The following RBP3 variants were observed in gnomAD, a reference collection of about 807,000 sequenced individuals.
The protein encoded by RBP3 is retinol-binding protein 3.
RBP3 carries 50 observed loss-of-function variants against 64.8 expected under a neutral mutation model. The ratio of observed to expected loss-of-function variants is 0.77; its 90% CI spans 0.61 to 0.98. The LOEUF (loss-of-function observed/expected upper bound fraction) is 0.98, where lower values mean the gene tolerates loss of function less well. Ranked by LOEUF, RBP3 falls within the 50% of genes least tolerant of loss-of-function variation. The probability of loss-of-function intolerance (pLI) is 0.00; values close to 1 mark genes in which losing one functional copy is unlikely to be tolerated. For missense variants in RBP3, 1,712 were observed against 1,660.5 expected (o/e 1.03, Z -0.54); for synonymous variants, 828 against 730.2 (o/e 1.13, Z -2.16).
rs782632768 is a variant in RBP3, at chr10:47,357,464, G to A, written c.*7G>A. ...CCTGCAGGACCACCTGTAGGGAAGG[G>A]CCCCATAGGCAGAGCCCCAGGGCAG... On this transcript the variant is annotated 3_prime_UTR_variant, in exon 4 of 4. Coordinates refer to ENST00000584701, the MANE Select transcript of RBP3 (RefSeq NM_002900.3). The A allele has an allele frequency of 6.2e-7, 1 of 1,600,990 alleles. No homozygotes were observed. The highest frequency in any genetic ancestry group is 1.1e-5 in the South Asian group (1 of 89,132).
Position 47,353,335 on chromosome 10 carries a change from C to T in RBP3, c.3065C>T (p.Pro1022Leu), listed in dbSNP as rs1221007490. The change falls in exon 2 of 4, where the codon CCT becomes CTT. Residue 1022 changes from proline (P) to leucine (L), a missense_variant. Physicochemically the swap from Pro to Leu is moderately conservative, Grantham distance 98. Transcript: ENST00000584701. ...CTCCAACTCTTACAGATCCCTTCCCCTGAAGTATTTGAAGAGCTGATCAAG... is the reference window on the plus strand; with the variant it reads ...CTCCAACTCTTACAGATCCCTTCCCTTGAAGTATTTGAAGAGCTGATCAAG... ...PGIVPMQIPS[P>L]EVFEELIKFS... The T allele has an allele frequency of 2.5e-6, 4 of 1,614,008 alleles. No individual in the cohort carries two copies. The highest frequency in any genetic ancestry group is 3.4e-6 in the Non-Finnish European group (4 of 1,180,006).
Position 47,351,479 on chromosome 10 carries a change from A to G in RBP3, c.2995A>G (p.Lys999Glu). The change falls in exon 1 of 4, where the codon AAG (lysine) becomes GAG (glutamate). Residue 999 changes from lysine (K) to glutamate (E), a missense_variant. By Grantham distance (56) the Lys-to-Glu change is moderately conservative. Coordinates refer to ENST00000584701, the MANE Select transcript of RBP3 (RefSeq NM_002900.3). ...GATGCTCTCCGGAGACCCACACCTG[A>G]AGGCAGCCCATATCCCTGAGAATGC... Reference protein sequence around the residue: ...LQMLSGDPHLKAAHIPENAKD... With the variant: ...LQMLSGDPHLEAAHIPENAKD... The G allele has an allele frequency of 6.2e-7, 1 of 1,613,840 alleles. No individual in the cohort carries two copies. The highest frequency in any genetic ancestry group is 8.5e-7 in the Non-Finnish European group (1 of 1,180,032).
In RBP3 at chr10:47,350,253, C is replaced by T. The variant is rs781938600; in HGVS notation, c.1769C>T (p.Ala590Val). 1.9e-5 allele frequency: 30 copies of T among 1,607,318 alleles called. No individual in the cohort carries two copies. Among genetic ancestry groups the T allele is most frequent in the Non-Finnish European group, 2.1e-5 (25 of 1,179,920 alleles). Residue 590 changes from alanine (A) to valine (V), a missense_variant, in exon 1 of 4, where the codon GCG becomes GTG. Transcript: ENST00000584701. The stretch of plus-strand genomic sequence containing the variant: ...CTGGACACACCCGAAGGCAGCCTCG[C>T]GCTCACCGTGCCGGTCCTCACCTTC... The part of the protein sequence containing the change: ...PLLDTPEGSL[A>V]LTVPVLTFID...
At position 47,348,517 on chromosome 10, in the gene RBP3, G is replaced by C. The variant is rs781957702; in HGVS notation, c.33G>C (p.Val11=). 2 of 1,608,562 alleles carry C rather than the reference G, an allele frequency of 1.2e-6. No individual in the cohort carries two copies. Among genetic ancestry groups the C allele is most frequent in the South Asian group, 1.1e-5 (1 of 91,086 alleles). MMREWVLLMS[V]LLCGLAGPTH... is the part of the protein sequence containing the mutation. Reference sequence around the variant, plus strand: ...GAGAATGGGTTCTGCTCATGTCCGTGCTGCTCTGTGGCCTGGCTGGCCCCA... The same window carrying C: ...GAGAATGGGTTCTGCTCATGTCCGTCCTGCTCTGTGGCCTGGCTGGCCCCA... Residue 11 remains valine, a synonymous_variant, in exon 1 of 4, where the codon GTG becomes GTC. Transcript: ENST00000584701.
rs782242538 is a variant in RBP3 at position 47,349,869 on chromosome 10, G to A, written c.1385G>A (p.Arg462His). 1.2e-5 allele frequency: 19 copies of A among 1,613,032 alleles called. No individual in the cohort carries two copies. In the Admixed American group the frequency reaches 2.5e-4, roughly 21 times the overall value. Residue 462 changes from arginine (R) to histidine (H), a missense_variant, in exon 1 of 4, where the codon CGC becomes CAC. By Grantham distance (29) the Arg-to-His change is conservative. Coordinates refer to ENST00000584701, the MANE Select transcript of RBP3 (RefSeq NM_002900.3). The part of the protein sequence containing the change: ...VLGVLAPYVL[R>H]QVWEPLQDTE... ...GGTGTGTTGGCCCCATATGTCCTGC[G>A]CCAGGTGTGGGAGCCGCTACAGGAC...
rs782171257 is a variant in RBP3 at position 47,350,609 on chromosome 10, G to T, written c.2125G>T (p.Val709Leu). 2.7e-5 allele frequency: 44 copies of T among 1,612,870 alleles called. No homozygotes were observed. Among genetic ancestry groups the T allele is most frequent in the Non-Finnish European group, 3.6e-5 (43 of 1,180,046 alleles). Residue 709 changes from valine (V) to leucine (L), a missense_variant, in exon 1 of 4, where the codon GTG becomes TTG. Val to Leu is a conservative substitution (Grantham distance 32, BLOSUM62 1). Transcript: ENST00000584701. ...AGTGTTCCACAGCCCTGGCGAGCTG[G>T]TGGTAGAGGAAGCACCCCCACCACC... ...LLVFHSPGEL[V>L]VEEAPPPPPA...
rs782387708 is a variant in RBP3, at chr10:47,349,637, C to A, written c.1153C>A (p.Leu385Ile). 1.2e-6 allele frequency: 2 copies of A among 1,612,516 alleles called. No homozygotes were observed. The highest frequency in any genetic ancestry group is 1.7e-6 in the Non-Finnish European group (2 of 1,180,018). ...GLQAASEDPR[L>I]LVRAIGPTET... ...GCAGGCTGCGTCTGAGGATCCCAGG[C>A]TCCTGGTGCGAGCCATCGGGCCCAC... Residue 385 changes from leucine to isoleucine, a missense_variant, in exon 1 of 4, where the codon CTC (leucine) becomes ATC (isoleucine). By Grantham distance (5) the Leu-to-Ile change is conservative (BLOSUM62 2). Transcript: ENST00000584701.
chr10:47,351,308 C>T lies in RBP3; in HGVS notation c.2824C>T (p.Gln942Ter), dbSNP rs781985780. 1 of 1,613,506 alleles carries T rather than the reference C, an allele frequency of 6.2e-7. No homozygotes were observed. The highest frequency in any genetic ancestry group is 1.3e-5 in the African/African-American group (1 of 75,072). Residue 942 changes from glutamine to a stop codon, truncating the protein, a stop_gained, in exon 1 of 4, where the codon CAG (glutamine) becomes TAG (stop). Coordinates refer to ENST00000584701, the MANE Select transcript of RBP3 (RefSeq NM_002900.3). LOFTEE classifies it high-confidence loss of function. ...GCGTGCCAAGGTGCCCACGGTGCTG[C>T]AGACGGCCGGGAAGCTGGTGGCTGA... ...ALRAKVPTVL[Q>*]TAGKLVADNY...
rs782818273 is a variant in RBP3, at chr10:47,351,183, G to T, written c.2699G>T (p.Ser900Ile). 4.3e-6 allele frequency: 7 copies of T among 1,613,118 alleles called. No homozygotes were observed. The highest frequency in any genetic ancestry group is 5.9e-6 in the Non-Finnish European group (7 of 1,180,044). Reference protein sequence around the residue: ...YASMPTQMAMSATTGKAWDLA... With the variant: ...YASMPTQMAMIATTGKAWDLA... Reference sequence around the variant, plus strand: ...TCCATGCCCACCCAGATGGCCATGAGTGCCACCACAGGCAAGGCCTGGGAC... The same window carrying T: ...TCCATGCCCACCCAGATGGCCATGATTGCCACCACAGGCAAGGCCTGGGAC... Residue 900 changes from serine (S) to isoleucine (I), a missense_variant, in exon 1 of 4, where the codon AGT (serine) becomes ATT (isoleucine). By Grantham distance (142) the Ser-to-Ile change is moderately radical (BLOSUM62 -2). Transcript: ENST00000584701.
chr10:47,349,847 G>A lies in RBP3; in HGVS notation c.1363G>A (p.Val455Met). The A allele has an allele frequency of 6.2e-7, 1 of 1,613,250 alleles. No homozygotes were observed. Among genetic ancestry groups the A allele is most frequent in the Non-Finnish European group, 8.5e-7 (1 of 1,180,028 alleles). The stretch of plus-strand genomic sequence containing the variant: ...TTTTGCTGACGCCTCCGTCCTGGGT[G>A]TGTTGGCCCCATATGTCCTGCGCCA... ...DSFADASVLG[V>M]LAPYVLRQVW... is the part of the protein sequence containing the mutation. The change falls in exon 1 of 4, where the codon GTG becomes ATG. Residue 455 changes from valine to methionine, a missense_variant. Val to Met is a conservative substitution (Grantham distance 21). Coordinates refer to ENST00000584701, the MANE Select transcript of RBP3 (RefSeq NM_002900.3).
intron 2 of RBP3, among the ~76,000 whole-genome samples, 164 bp downstream of exon 2, chr10:47,353,679 CA>C (rs1287651081): frequency 2.0e-5 from 3 of 152,214 alleles, no homozygotes; most frequent in African/African-American, 7.2e-5. Flanking sequence ...GCTAGCCCAG[CA>C]GATCTGCTGT....
Position 47,348,397 on chromosome 10 carries a change from C to A in RBP3, c.-88C>A. On this transcript the variant is annotated 5_prime_UTR_variant, in exon 1 of 4. Transcript: ENST00000584701. ...GTCCACCAGCTGAGAAGGACAAGGG[C>A]GGAAGGCAGCTGCACAGAGCAGGGC... 2.1e-6 allele frequency: 3 copies of A among 1,461,558 alleles called. No individual in the cohort carries two copies. 90.5% of individuals were successfully genotyped at this position (1,461,558 alleles called of 1,614,324 possible). A position where few individuals can be genotyped will look rare whatever the true frequency, so the allele number is the denominator to read the frequency against.
At chr10:47,353,262 C>T (rs1837001935) in intron 1 of RBP3, 63 bp from the exon 2 acceptor site, 2 of 1,514,336 alleles carry the variant, frequency 1.3e-6, no homozygotes, top group Admixed American at 1.7e-5. Flanking sequence ...ATGGCGCCTG[C>T]TTTCCTGGGC....
intron 3 of RBP3, 25 bp from the exon 4 acceptor site, chr10:47,357,077 T>C (rs372672938): frequency 1.7e-5 from 27 of 1,599,040 alleles, no homozygotes; most frequent in Non-Finnish European, 7.7e-6. Context: ...ATGACCCCCA[T>C]CCTGAAGGGC....
chr10:47,348,364 G>T lies in RBP3; in HGVS notation c.-121G>T. 8.5e-7 allele frequency: 1 copy of T among 1,182,574 alleles called. No individual in the cohort carries two copies. Among genetic ancestry groups the T allele is most frequent in the South Asian group, 1.3e-5 (1 of 74,206 alleles). The allele number at this position is 1,182,574 out of a possible 1,614,324, so 73.3% of individuals were successfully genotyped here. On this transcript the variant is annotated 5_prime_UTR_variant, in exon 1 of 4. Coordinates refer to ENST00000584701, the MANE Select transcript of RBP3 (RefSeq NM_002900.3). ...GCCCCAACTCAGGAGTTTAGCCCCA[G>T]ACCTTCTGTCCACCAGCTGAGAAGG...
rs111792211 is a variant in RBP3 at position 47,357,428 on chromosome 10, C to T, written c.3715C>T (p.Arg1239Trp). Residue 1239 changes from arginine to tryptophan, a missense_variant, in exon 4 of 4, where the codon CGG becomes TGG. Transcript: ENST00000584701. ...MLQHNQLRVK[R>W]SPGLQDHL ...CCAGCACAACCAGCTGAGGGTGAAGCGGAGCCCAGGCCTGCAGGACCACCT... is the reference window on the plus strand; with the variant it reads ...CCAGCACAACCAGCTGAGGGTGAAGTGGAGCCCAGGCCTGCAGGACCACCT... The T allele has an allele frequency of 4.3e-5, 69 of 1,613,388 alleles. No homozygotes were observed. Among genetic ancestry groups the T allele is most frequent in the South Asian group, 5.5e-5 (5 of 90,882 alleles).
At chr10:47,355,572 CCAGGGAAAGACAGCTTGGGTG>C in intron 3 of RBP3, 54 bp downstream of exon 3, 16 of 1,612,418 alleles carry the variant, frequency 9.9e-6, no homozygotes, top group Non-Finnish European at 1.4e-5. Flanking sequence ...TTCTGGGAAA[CCAGGGAAAGACAGCTTGGGTG>C]TAGGTAAAAG....
Position 47,357,078 on chromosome 10 carries a change from C to T in RBP3, c.3389-24C>T, listed in dbSNP as rs368629056. 8.7e-6 allele frequency: 14 copies of T among 1,600,640 alleles called. No individual in the cohort carries two copies. In the East Asian group the frequency reaches 2.0e-4, roughly 23 times the overall value. On this transcript the variant is annotated intron_variant, in intron 3 of 3. Coordinates refer to ENST00000584701, the MANE Select transcript of RBP3 (RefSeq NM_002900.3). ...TCCAGGGTCCTGACATGACCCCCAT[C>T]CTGAAGGGCCTTATGTCTTCCAGGT...
At chr10:47,353,967 T>C (rs1466242453) in intron 2 of RBP3, among the ~76,000 whole-genome samples, 1 of 152,050 alleles carries the variant, frequency 6.6e-6, no homozygotes, top group African/African-American at 2.4e-5. Flanking sequence ...CACCTGGGAG[T>C]GTGCCTCACA....
Sources: allele counts gnomAD v4.1 joint callset (sites outside exome capture counted in the v4.1 genomes callset), GRCh38; gene constraint gnomAD v4.1.1; transcripts MANE v1.5; gene names NCBI Gene and HGNC (gene_info 2026-07-23, HGNC 2026-07-21).